Variants in ATR observed in about 807,000 individuals in gnomAD.
The protein encoded by ATR is ATR checkpoint kinase.
In ATR, 142 loss-of-function variants were observed where a neutral mutation model predicts 305.3. The observed-to-expected ratio is 0.47, with a 90% confidence interval of 0.41 to 0.53. The LOEUF (loss-of-function observed/expected upper bound fraction) is 0.53, where lower values mean the gene tolerates loss of function less well. ATR is among the 20% of genes least tolerant of loss of function. The pLI, the probability that ATR is intolerant of heterozygous loss-of-function variation, is 0.00. For missense variants in ATR, 2,135 were observed against 3,133.1 expected, an observed-to-expected ratio of 0.68 and a Z score of 7.60; for synonymous variants, 1,050 against 1,068.1, an observed-to-expected ratio of 0.98 and a Z score of 0.33.
chr3:142,450,940 T>G, intron 46 of ATR: 1 of 1,210,314 alleles, frequency 8.3e-7, no homozygotes, highest in Non-Finnish European at 1.0e-6. Flanking sequence ...GGAGCTCACC[T>G]CAGAAAAGAA....
chr3:142,513,379 T>A (rs1328609064), intron 26 of ATR, 122 bp downstream of exon 26: 1 of 1,167,726 alleles, frequency 8.6e-7, no homozygotes, highest in Non-Finnish European at 1.3e-6. Context: ...GATATGTAAA[T>A]GAACATACAT....
chr3:142,518,706 T>C (rs1473135143), intron 24 of ATR, among the ~76,000 whole-genome samples: 1 of 152,206 alleles, frequency 6.6e-6, no homozygotes, highest in Non-Finnish European at 1.5e-5. Flanking sequence ...TTAGTATAAG[T>C]CTAGGCACTT....
At chr3:142,491,294 A>G (rs1409678422) in intron 35 of ATR, among the ~76,000 whole-genome samples, 2 of 151,888 alleles carry the variant, frequency 1.3e-5, no homozygotes, top group Admixed American at 6.6e-5. Flanking sequence ...TCTTTTCTCT[A>G]CTCATTTCTG....
chr3:142,549,492 A>C lies in ATR; in HGVS notation c.3158T>G (p.Leu1053Arg). The C allele has an allele frequency of 6.3e-7, 1 of 1,591,890 alleles. No individual in the cohort carries two copies. The highest frequency in any genetic ancestry group is 8.5e-7 in the Non-Finnish European group (1 of 1,169,768). ...ATATTCAATTACCTTCAGATAATGA[A>C]GGGCACGTTCTAATTCATCTTTGGA... ...SCSKDELERA[L>R]HYLKNETEIE... The change falls in exon 15 of 47, where the codon CTT becomes CGT. Residue 1053 changes from leucine (L) to arginine (R), a missense_variant. Physicochemically the swap from Leu to Arg is moderately radical, Grantham distance 102. This residue lies in a region of ATR where 530 missense variants were observed against 766.8 expected (regional missense o/e 0.69). Transcript: ENST00000350721.
chr3:142,561,167 TAACTA>T (rs1298357118), intron 5 of ATR, 71 bp downstream of exon 5: 9 of 1,502,382 alleles, frequency 6.0e-6, no homozygotes, highest in Non-Finnish European at 8.3e-6. Context: ...TCAAAGCACT[TAACTA>T]AAGCTGATTT....
At chr3:142,522,594 T>C (rs572842562) in intron 23 of ATR, 134 bp downstream of exon 23, 1 of 807,432 alleles carries the variant, frequency 1.2e-6, no homozygotes, top group South Asian at 1.6e-5. Context: ...TACTCTAAAA[T>C]GTTTATCATG....
chr3:142,458,691 A>T (rs940623463), intron 44 of ATR, among the ~76,000 whole-genome samples: 1 of 152,196 alleles, frequency 6.6e-6, no homozygotes, highest in African/African-American at 2.4e-5. Context: ...CCTTATTCAC[A>T]TAACTAATAA....
At chr3:142,494,938 C>T (rs1244038248) in intron 34 of ATR, among the ~76,000 whole-genome samples, 1 of 152,064 alleles carries the variant, frequency 6.6e-6, no homozygotes, top group African/African-American at 2.4e-5. Flanking sequence ...ATAATAAAGT[C>T]ATAAGTTAAA....
intron 36 of ATR, among the ~76,000 whole-genome samples, chr3:142,475,216 TTAGGTA>T (rs2071405328): frequency 6.6e-6 from 1 of 152,200 alleles, no homozygotes; most frequent in Non-Finnish European, 1.5e-5. Context: ...TCATTTAACA[TTAGGTA>T]TATCTCCTAA....
intron 14 of ATR, 108 bp downstream of exon 14, chr3:142,550,023 CT>C: frequency 7.1e-7 from 1 of 1,411,732 alleles, no homozygotes; most frequent in Non-Finnish European, 9.8e-7. Context: ...TCCACTTAAA[CT>C]TAAGTTTTAC....
At chr3:142,530,511 G>C (rs753124931) in intron 21 of ATR, among the ~76,000 whole-genome samples, 56 of 152,076 alleles carry the variant, frequency 3.7e-4, no homozygotes, top group Non-Finnish European at 7.5e-4. Context: ...TTCTAAACTA[G>C]AAAACCCTCC....
chr3:142,467,879 A>G, intron 39 of ATR, 55 bp downstream of exon 39: 2 of 1,593,788 alleles, frequency 1.3e-6, no homozygotes, highest in Admixed American at 1.7e-5. Flanking sequence ...ATCTGCTCAA[A>G]TTATATACAT....
At chr3:142,499,295 C>CT (rs535115635) in intron 31 of ATR, 13,507 of 250,804 alleles carry the variant, frequency 0.054, no homozygotes, top group South Asian at 0.1. Context: ...ATTAAAACCG[C>CT]TTTTTTTTTT....
At chr3:142,455,524 C>A (rs1293865103) in intron 45 of ATR, among the ~76,000 whole-genome samples, 2 of 152,104 alleles carry the variant, frequency 1.3e-5, no homozygotes, top group Non-Finnish European at 2.9e-5. Flanking sequence ...TACAAAGGTA[C>A]AACAATCAAA....
intron 17 of ATR, 59 bp downstream of exon 17, chr3:142,542,604 CAG>C: frequency 2.9e-6 from 4 of 1,384,676 alleles, no homozygotes; most frequent in Non-Finnish European, 3.1e-6. Context: ...TAGCTAGATG[CAG>C]AATTTATCTA....
At chr3:142,450,433 T>A in intron 46 of ATR, 1 of 1,596,336 alleles carries the variant, frequency 6.3e-7, no homozygotes, top group South Asian at 1.1e-5. Context: ...GTTTAGCTCA[T>A]TGAGACTACA....
chr3:142,469,686 T>A (rs139882495), intron 37 of ATR, 117 bp from the exon 38 acceptor site: 6 of 851,152 alleles, frequency 7.0e-6, no homozygotes, highest in Middle Eastern at 6.9e-4. Flanking sequence ...GTTATTCCCA[T>A]GCCCAAGGTT....
At chr3:142,576,185 G>A (rs536554669) in intron 1 of ATR, among the ~76,000 whole-genome samples, 4 of 152,226 alleles carry the variant, frequency 2.6e-5, no homozygotes, top group East Asian at 1.9e-4. Context: ...ATTATTAAGC[G>A]ACAAGGGAAA....
intron 18 of ATR, among the ~76,000 whole-genome samples, chr3:142,540,633 T>TA (rs2034016608): frequency 1.3e-5 from 2 of 151,916 alleles, no homozygotes; most frequent in African/African-American, 4.8e-5. Flanking sequence ...AGAAGTGGAT[T>TA]AAAAAAAACT....
Sources: allele counts gnomAD v4.1 joint callset (sites outside exome capture counted in the v4.1 genomes callset), GRCh38; gene constraint gnomAD v4.1.1; regional missense constraint gnomAD v4.1.1; transcripts MANE v1.5; gene names NCBI Gene and HGNC (gene_info 2026-07-23, HGNC 2026-07-21).